VGLL4: variants seen among roughly 807,000 people sequenced by gnomAD.
VGLL4 encodes the protein vestigial like family member 4, also known as transcription cofactor vestigial-like protein 4.
Under a neutral mutation model 21.0 loss-of-function variants are expected in VGLL4, and 7 were observed. That is an observed-to-expected ratio of 0.33 (90% CI 0.19 to 0.63). VGLL4 has a LOEUF of 0.63. VGLL4 is among the 20% of genes least tolerant of loss of function. VGLL4 has a pLI of 0.78. For missense variants in VGLL4, 394 were observed against 425.7 expected (o/e 0.93, Z 0.66); for synonymous variants, 222 against 173.2 (o/e 1.28, Z -2.21).
intron 1 of VGLL4, among the ~76,000 whole-genome samples, chr3:11,636,027 T>C (rs1347011907): frequency 6.6e-6 from 1 of 152,170 alleles, no homozygotes; most frequent in Non-Finnish European, 1.5e-5. Flanking sequence ...TAAAAGGACT[T>C]GCGTAGTTAA....
intron 2 of VGLL4, among the ~76,000 whole-genome samples, chr3:11,579,943 A>G (rs2074179078): frequency 6.6e-6 from 1 of 152,184 alleles, no homozygotes; most frequent in Non-Finnish European, 1.5e-5. Context: ...ATGAGTATGG[A>G]ATATAAAGGA....
chr3:11,670,561 C>T (rs2076193240), intron 2 of VGLL4, among the ~76,000 whole-genome samples: 1 of 152,116 alleles, frequency 6.6e-6, no homozygotes. Flanking sequence ...CTAAATATGC[C>T]TTCATTTTTG....
chr3:11,582,188 T>G (rs2074246073), intron 2 of VGLL4: 2 of 1,391,538 alleles, frequency 1.4e-6, no homozygotes, highest in African/African-American at 1.4e-5. Flanking sequence ...ACTTGCTGTC[T>G]CGCAGTTTAA....
At chr3:11,681,097 G>GTTTGT (rs775558260) in intron 2 of VGLL4, among the ~76,000 whole-genome samples, 17 of 151,642 alleles carry the variant, frequency 1.1e-4, no homozygotes, top group Admixed American at 5.3e-4. Context: ...TTCTTTTTTT[G>GTTTGT]TTTGTTTTGT....
At chr3:11,632,391 C>T (rs184731492) in intron 1 of VGLL4, among the ~76,000 whole-genome samples, 26 of 152,230 alleles carry the variant, frequency 1.7e-4, no homozygotes, top group African/African-American at 5.1e-4. Flanking sequence ...AGACCCAAGA[C>T]GAACCATTTC....
chr3:11,662,652 C>T (rs1423997185), intron 2 of VGLL4, among the ~76,000 whole-genome samples: 6 of 152,222 alleles, frequency 3.9e-5, no homozygotes, highest in Non-Finnish European at 7.3e-5. Flanking sequence ...CCATGTAATA[C>T]GGATCTGGCC....
rs906599667 is a variant in VGLL4, at chr3:11,719,108, G to T, written c.-14+1286C>A. Among the ~76,000 whole-genome samples the T allele has an allele frequency of 5.9e-5, 9 of 152,210 alleles. No individual in the cohort carries two copies. The highest frequency in any genetic ancestry group is 1.9e-4 in the African/African-American group (8 of 41,462). ...TCCTGTTTTGGGGACCGGGCAGGAA[G>T]CACAGGAAGAGTACGGTGCCCCTTC... is the stretch of plus-strand genomic sequence containing the variant. On this transcript the variant is annotated intron_variant, in intron 1 of 5. Transcript: ENST00000273038. This position sits in a 1 kb window ranked among gnomAD's most constrained non-coding sequence, Gnocchi z 4.0.
intron 1 of VGLL4, among the ~76,000 whole-genome samples, chr3:11,642,250 A>G (rs1170266096): frequency 6.6e-6 from 1 of 152,226 alleles, no homozygotes; most frequent in Non-Finnish European, 1.5e-5. Context: ...TTTTTAAAAA[A>G]CGTTAAATAT....
At chr3:11,645,798 CCT>C (rs910780754), upstream of VGLL4, among the ~76,000 whole-genome samples, 1 of 151,556 alleles carries the variant, frequency 6.6e-6, no homozygotes, top group African/African-American at 2.4e-5. Context: ...ATGGTGAAAC[CCT>C]GTCTCTACTA....
At chr3:11,666,923 G>T (rs1413820486) in intron 2 of VGLL4, among the ~76,000 whole-genome samples, 2 of 152,168 alleles carry the variant, frequency 1.3e-5, no homozygotes, top group Middle Eastern at 3.2e-3. Flanking sequence ...CCTGCTCTCA[G>T]GTTCCCCCTC....
intron 2 of VGLL4, chr3:11,671,127 A>G: frequency 8.8e-6 from 9 of 1,025,960 alleles, no homozygotes; most frequent in Non-Finnish European, 1.2e-5. Flanking sequence ...TCAAGCACAA[A>G]AAGTGTTTTC....
intron 1 of VGLL4, 69 bp from the exon 2 acceptor site, chr3:11,602,091 C>G (rs760870737): frequency 1.4e-6 from 2 of 1,388,418 alleles, no homozygotes; most frequent in Non-Finnish European, 1.9e-6. Context: ...CCAGGCTCCC[C>G]GCCCGCCCAG....
In VGLL4 at chr3:11,693,461, T is replaced by C. The variant is rs539809743; in HGVS notation, c.64+9510A>G. ...GTCCTCAACAGGCAAGGATCTGCTA[T>C]AGACTCACACCATCCTTCAAGTCTG... is the stretch of plus-strand genomic sequence containing the variant. On this transcript the variant is annotated intron_variant, in intron 2 of 5. Coordinates refer to the VGLL4 transcript ENST00000273038. Among the ~76,000 whole-genome samples the C allele has an allele frequency of 4.1e-4, 63 of 152,326 alleles. No homozygotes were observed. The South Asian group carries it at 0.012, about 29-fold the overall frequency.
chr3:11,719,159 T>C lies in VGLL4; in HGVS notation c.-14+1235A>G, dbSNP rs960949986. Reference sequence around the variant, plus strand: ...CCGCAGTCCACATCACAGCCCTCCCTGAGGCCGGCGGGGACCGCGGGGTGC... The same window carrying C: ...CCGCAGTCCACATCACAGCCCTCCCCGAGGCCGGCGGGGACCGCGGGGTGC... On this transcript the variant is annotated intron_variant, in intron 1 of 5. Transcript: ENST00000273038. The surrounding 1 kb of genome is among the most constrained non-coding windows in gnomAD (Gnocchi z 4.0). 5.3e-5 allele frequency among the ~76,000 whole-genome samples: 8 copies of C among 152,216 alleles called. No homozygotes were observed. The highest frequency in any genetic ancestry group is 1.4e-4 in the African/African-American group (6 of 41,550).
chr3:11,583,648 G>A (rs796795299), intron 2 of VGLL4, among the ~76,000 whole-genome samples: 5 of 152,260 alleles, frequency 3.3e-5, no homozygotes, highest in African/African-American at 1.2e-4. Context: ...AGACAACCCG[G>A]GAAGGAGTGG....
chr3:11,664,331 C>T (rs1225422366), intron 2 of VGLL4, among the ~76,000 whole-genome samples: 3 of 152,132 alleles, frequency 2.0e-5, no homozygotes, highest in Non-Finnish European at 2.9e-5. Context: ...GAGTCCAGTG[C>T]ACTACTTTTG....
At chr3:11,607,001 C>T (rs992555706) in intron 1 of VGLL4, among the ~76,000 whole-genome samples, 1 of 152,200 alleles carries the variant, frequency 6.6e-6, no homozygotes, top group African/African-American at 2.4e-5. Context: ...ACTCCGGACA[C>T]AGCATGGCCA....
chr3:11,702,058 C>G (rs114607376), intron 2 of VGLL4, among the ~76,000 whole-genome samples: 1 of 152,148 alleles, frequency 6.6e-6, no homozygotes, highest in South Asian at 2.1e-4. Context: ...TTTGCTCTTT[C>G]TCAGCAATGC....
chr3:11,639,513 G>A (rs899111591), intron 1 of VGLL4, among the ~76,000 whole-genome samples: 4 of 152,248 alleles, frequency 2.6e-5, no homozygotes, highest in African/African-American at 4.8e-5. Flanking sequence ...TGTTATCCCC[G>A]TGCTAGGCCG....
Sources: gnomAD v4.1 joint callset for allele counts (sites outside exome capture counted in the v4.1 genomes callset) on GRCh38, gnomAD v4.1.1 for gene constraint, Gnocchi (gnomAD v3.1) non-coding constraint, MANE v1.5 for transcripts, NCBI Gene and HGNC (gene_info 2026-07-23, HGNC 2026-07-21) for gene names.